CTNNA2: variants seen among roughly 807,000 people sequenced by gnomAD.
CTNNA2 encodes the protein catenin alpha 2, also known as catenin alpha-2.
A neutral mutation model predicts 101.0 loss-of-function variants in CTNNA2; 42 were observed. The ratio of observed to expected loss-of-function variants is 0.42; its 90% CI spans 0.32 to 0.54. The LOEUF (loss-of-function observed/expected upper bound fraction) is 0.54, where lower values mean the gene tolerates loss of function less well. Ranked by LOEUF, CTNNA2 falls within the 20% of genes least tolerant of loss-of-function variation. The probability of loss-of-function intolerance (pLI) is 0.14; values close to 1 mark genes in which losing one functional copy is unlikely to be tolerated. For synonymous variants in CTNNA2, 450 were observed against 456.4 expected (o/e 0.99, Z 0.18); for missense variants, 871 against 1,223.1 (o/e 0.71, Z 4.29).
chr2:79,323,548 T>C (rs1676673633), intron 3 of CTNNA2, among the ~76,000 whole-genome samples: 1 of 152,110 alleles, frequency 6.6e-6, no homozygotes, highest in Non-Finnish European at 1.5e-5. Flanking sequence ...TAGAACAAAG[T>C]AAAACAAAAC....
At chr2:80,268,197 G>A (rs950261806) in intron 7 of CTNNA2, among the ~76,000 whole-genome samples, 6 of 152,238 alleles carry the variant, frequency 3.9e-5, no homozygotes, top group African/African-American at 1.4e-4. Flanking sequence ...CCAGATGCAA[G>A]CACAGGCTGG....
chr2:80,362,349 A>T (rs76799115), intron 7 of CTNNA2, among the ~76,000 whole-genome samples: 5,915 of 152,228 alleles, frequency 0.039, 393 homozygotes, highest in African/African-American at 0.13. Flanking sequence ...AAGAAAAAGG[A>T]TGAGGGAGAG....
intron 1 of CTNNA2, among the ~76,000 whole-genome samples, chr2:79,617,316 C>G (rs1000722785): frequency 6.6e-6 from 1 of 152,106 alleles, no homozygotes; most frequent in African/African-American, 2.4e-5. Context: ...CAGCCATTTC[C>G]TCTTCAGGAA....
intron 3 of CTNNA2, among the ~76,000 whole-genome samples, chr2:79,838,328 G>T (rs1284289547): frequency 6.6e-6 from 1 of 152,130 alleles, no homozygotes; most frequent in Non-Finnish European, 1.5e-5. Context: ...AGGAAAGTAT[G>T]CTGGCCATGG....
intron 15 of CTNNA2, among the ~76,000 whole-genome samples, chr2:80,600,105 G>T (rs1697354084): frequency 1.3e-5 from 2 of 151,770 alleles, no homozygotes. Context: ...AAATAAAATT[G>T]TTCGGGAAAG....
chr2:80,414,549 G>A (rs1297082208), intron 8 of CTNNA2, among the ~76,000 whole-genome samples: 1 of 152,040 alleles, frequency 6.6e-6, no homozygotes, highest in Non-Finnish European at 1.5e-5. Flanking sequence ...AGCTTAAATG[G>A]CCAAAACACT....
intron 2 of CTNNA2, among the ~76,000 whole-genome samples, chr2:79,699,616 A>T (rs1684859792): frequency 6.6e-6 from 1 of 151,626 alleles, no homozygotes; most frequent in Non-Finnish European, 1.5e-5. Context: ...AAAATATTTT[A>T]TGTTAAGAGA....
chr2:79,845,087 A>G lies in CTNNA2; in HGVS notation c.299-12926A>G, dbSNP rs189934067. 5.6e-4 allele frequency among the ~76,000 whole-genome samples: 84 copies of G among 150,716 alleles called. 1 individual carries two copies. In the East Asian group the frequency reaches 0.014, roughly 26 times the overall value. On this transcript the variant is annotated intron_variant, in intron 3 of 18. Coordinates refer to ENST00000402739, the MANE Select transcript of CTNNA2 (RefSeq NM_001282597.3). Reference sequence around the variant, plus strand: ...TGTGTGTATATATATATGTGTATATATATATATATGCACCCTTACCTTTTA... The same window carrying G: ...TGTGTGTATATATATATGTGTATATGTATATATATGCACCCTTACCTTTTA...
At position 79,762,595 on chromosome 2, in the gene CTNNA2, A is replaced by C. The variant is rs78153334; in HGVS notation, c.298+18013A>C. On this transcript the variant is annotated intron_variant, in intron 3 of 18. Coordinates refer to ENST00000402739, the MANE Select transcript of CTNNA2 (RefSeq NM_001282597.3). The stretch of plus-strand genomic sequence containing the variant: ...AAATAAGTAATAGAAAAAAAATTGA[A>C]GATAATTTATCTACTTCTTCTGGTA... Among the ~76,000 whole-genome samples the C allele has an allele frequency of 8.2e-3, 1,242 of 152,284 alleles. 41 individuals carry two copies. The East Asian group carries it at 0.097, about 12-fold the overall frequency.
chr2:80,319,450 T>TTCTGTAGTTGTTGTGA (rs1678467465), intron 7 of CTNNA2, among the ~76,000 whole-genome samples: 1 of 152,232 alleles, frequency 6.6e-6, no homozygotes, highest in African/African-American at 2.4e-5. Flanking sequence ...AGTATATTTC[T>TTCTGTAGTTGTTGTGA]TCTGTAGTTG....
chr2:80,186,616 T>C (rs1192683745), intron 7 of CTNNA2, among the ~76,000 whole-genome samples: 1 of 152,350 alleles, frequency 6.6e-6, no homozygotes, highest in Admixed American at 6.5e-5. Context: ...TTTTTTCTCA[T>C]TTCCTGCCAC....
chr2:79,964,034 A>G (rs941662391), intron 7 of CTNNA2, among the ~76,000 whole-genome samples: 1 of 151,940 alleles, frequency 6.6e-6, no homozygotes, highest in Non-Finnish European at 1.5e-5. Flanking sequence ...TGTGAAACAT[A>G]CCTTGGGGTG....
chr2:79,899,588 T>C (rs1353097595), intron 6 of CTNNA2, among the ~76,000 whole-genome samples: 1 of 152,198 alleles, frequency 6.6e-6, no homozygotes, highest in African/African-American at 2.4e-5. Context: ...AAAAAACACA[T>C]TAAGTATCTA....
chr2:80,634,819 A>G (rs1672699307), intron 18 of CTNNA2, among the ~76,000 whole-genome samples: 1 of 152,152 alleles, frequency 6.6e-6, no homozygotes, highest in Non-Finnish European at 1.5e-5. Context: ...TTAGATGTTG[A>G]GTTGGAGAAA....
rs1366672225 is a variant in CTNNA2, at chr2:80,094,038, TG to T, written c.1056+184242del. Among the ~76,000 whole-genome samples the T allele has an allele frequency of 3.6e-4, 55 of 152,326 alleles. 1 individual carries two copies. Among genetic ancestry groups the T allele is most frequent in the Admixed American group, 3.1e-3 (48 of 15,300 alleles). ...GATCCCATTTTTCAATTTTGGCTTT[TG>T]TTGCCATTGCTTTTGGTGTTTTAGA... On this transcript the variant is annotated intron_variant, in intron 7 of 18. Transcript: ENST00000402739.
chr2:79,254,522 C>G (rs1316482471), intron 2 of CTNNA2, among the ~76,000 whole-genome samples: 1 of 152,200 alleles, frequency 6.6e-6, no homozygotes, highest in Non-Finnish European at 1.5e-5. Flanking sequence ...CGCCTTCTGC[C>G]ATGAGTAAAA....
chr2:80,057,148 A>G (rs1376604451), intron 7 of CTNNA2, among the ~76,000 whole-genome samples: 1 of 151,616 alleles, frequency 6.6e-6, no homozygotes, highest in African/African-American at 2.4e-5. Context: ...TTAAAAGTAA[A>G]TCCATGGGAT....
chr2:80,187,716 C>T (rs561616022), intron 7 of CTNNA2, among the ~76,000 whole-genome samples: 2 of 151,874 alleles, frequency 1.3e-5, no homozygotes, highest in South Asian at 4.2e-4. Context: ...GAAAGAGGGG[C>T]AGATGGTTGG....
intron 6 of CTNNA2, among the ~76,000 whole-genome samples, chr2:79,908,984 A>T (rs1307920780): frequency 6.6e-6 from 1 of 152,222 alleles, no homozygotes; most frequent in Non-Finnish European, 1.5e-5. Flanking sequence ...CCTTCCAAAC[A>T]GGTAAATACC....
Sources: gnomAD v4.1 joint callset for allele counts (sites outside exome capture counted in the v4.1 genomes callset) on GRCh38, gnomAD v4.1.1 for gene constraint, MANE v1.5 for transcripts, NCBI Gene and HGNC (gene_info 2026-07-23, HGNC 2026-07-21) for gene names.